GNA12: variants seen among roughly 807,000 people sequenced by gnomAD.
GNA12 encodes the protein guanine nucleotide-binding protein subunit alpha-12.
A neutral mutation model predicts 26.0 loss-of-function variants in GNA12; 9 were observed. That is an observed-to-expected ratio of 0.35 (90% CI 0.21 to 0.60). The LOEUF (loss-of-function observed/expected upper bound fraction) is 0.60. Ranked by LOEUF, GNA12 falls within the 20% of genes least tolerant of loss-of-function variation. GNA12 has a pLI of 0.78. For missense variants in GNA12, 405 were observed against 525.8 expected (o/e 0.77, Z 2.25); for synonymous variants, 264 against 219.6 (o/e 1.20, Z -1.79).
intron 2 of GNA12, among the ~76,000 whole-genome samples, chr7:2,770,779 G>A (rs1331834632): frequency 2.6e-5 from 4 of 152,202 alleles, no homozygotes; most frequent in East Asian, 1.9e-4. Flanking sequence ...GTGTTTCCAC[G>A]TAGGACGATT....
intron 2 of GNA12, among the ~76,000 whole-genome samples, chr7:2,757,122 G>A (rs1479977935): frequency 2.1e-5 from 3 of 145,192 alleles, no homozygotes; most frequent in Non-Finnish European, 4.5e-5. Flanking sequence ...GATCTAATCA[G>A]GTGGGCCTTT....
chr7:2,820,988 C>T (rs1291629170), intron 1 of GNA12, among the ~76,000 whole-genome samples: 1 of 152,228 alleles, frequency 6.6e-6, no homozygotes, highest in Non-Finnish European at 1.5e-5. Context: ...AAACCTCCTG[C>T]CTTGGACTCC....
At chr7:2,781,412 C>CTGTGTGTGGGTG (rs1792225171) in intron 2 of GNA12, among the ~76,000 whole-genome samples, 1 of 143,616 alleles carries the variant, frequency 7.0e-6, no homozygotes, top group Non-Finnish European at 1.5e-5. Context: ...AAGTAAGTGT[C>CTGTGTGTGGGTG]TGTGTGTGTG....
rs3996399 is a variant in GNA12, at chr7:2,780,051, C to CATATATATAT, written c.525+14867_525+14876dup. Among the ~76,000 whole-genome samples the CATATATATAT allele has an allele frequency of 6.8e-3, 421 of 61,952 alleles. 10 individuals carry two copies. Among genetic ancestry groups the CATATATATAT allele is most frequent in the East Asian group, 0.011 (25 of 2,218 alleles). 40.6% of individuals were successfully genotyped at this position (61,952 alleles called of 152,430 possible). A position where few individuals can be genotyped will look rare whatever the true frequency, so the allele number is the denominator to read the frequency against. On this transcript the variant is annotated intron_variant, in intron 2 of 3. Transcript: ENST00000275364. ...CTAGTTTTTTACACATTTCTGTGTA[C>CATATATATAT]ATATATATATATATATATATATATA...
At chr7:2,803,053 C>A (rs543601861) in intron 1 of GNA12, among the ~76,000 whole-genome samples, 1 of 152,192 alleles carries the variant, frequency 6.6e-6, no homozygotes, top group Admixed American at 6.5e-5. Flanking sequence ...GTGACTATAC[C>A]GAGGGCTCAC....
chr7:2,787,572 T>C (rs1156813970), intron 2 of GNA12, among the ~76,000 whole-genome samples: 1 of 152,158 alleles, frequency 6.6e-6, no homozygotes. Context: ...TTCTGAGCTT[T>C]CCGGGAAACG....
intron 2 of GNA12, among the ~76,000 whole-genome samples, chr7:2,766,387 CTT>C (rs71026553): frequency 8.3e-4 from 110 of 132,012 alleles, no homozygotes; most frequent in Middle Eastern, 7.5e-3. Flanking sequence ...TTGCTTCCGC[CTT>C]TTTTTTTTTT....
chr7:2,787,786 T>TA (rs1300556429), intron 2 of GNA12, among the ~76,000 whole-genome samples: 2 of 152,204 alleles, frequency 1.3e-5, no homozygotes, highest in Non-Finnish European at 2.9e-5. Flanking sequence ...ACGGCTATGC[T>TA]AAACCACAAG....
intron 3 of GNA12, among the ~76,000 whole-genome samples, chr7:2,733,077 G>A (rs890846297): frequency 2.6e-5 from 4 of 152,162 alleles, no homozygotes; most frequent in African/African-American, 4.8e-5. Flanking sequence ...ATTTGCTCCC[G>A]GAGGCCGGGG....
intron 1 of GNA12, among the ~76,000 whole-genome samples, chr7:2,820,499 A>C (rs527663491): frequency 6.6e-6 from 1 of 151,254 alleles, no homozygotes; most frequent in East Asian, 2.0e-4. Flanking sequence ...GCTTGAAACT[A>C]GCCCAGGAGA....
chr7:2,762,711 G>C (rs1791621222), intron 2 of GNA12: 2 of 1,565,048 alleles, frequency 1.3e-6, no homozygotes, highest in African/African-American at 1.4e-5. Flanking sequence ...AGGAGCGCCA[G>C]AGGGAAGCAG....
At chr7:2,739,578 G>C (rs964035895) in intron 2 of GNA12, among the ~76,000 whole-genome samples, 4 of 152,166 alleles carry the variant, frequency 2.6e-5, no homozygotes, top group African/African-American at 9.7e-5. Flanking sequence ...TGGCCGTTGT[G>C]AACAGTGCTA....
chr7:2,770,089 G>C (rs555666003), intron 2 of GNA12, among the ~76,000 whole-genome samples: 11 of 152,142 alleles, frequency 7.2e-5, no homozygotes, highest in African/African-American at 2.7e-4. Context: ...CTGGTACTGT[G>C]AGGAAAATAA....
At position 2,763,191 on chromosome 7, in the gene GNA12, A is replaced by AACACACACACACACACACAC. The variant is rs56384682; in HGVS notation, c.526-29710_526-29691dup. 2.8e-3 allele frequency: 618 copies of AACACACACACACACACACAC among 222,694 alleles called. 9 individuals are homozygous for AACACACACACACACACACAC. Among genetic ancestry groups the AACACACACACACACACACAC allele is most frequent in the African/African-American group, 4.2e-3 (154 of 37,026 alleles). The allele number at this position is 222,694 out of a possible 1,614,324, so 13.8% of individuals were successfully genotyped here. A position where few individuals can be genotyped will look rare whatever the true frequency, so the allele number is the denominator to read the frequency against. ...TTAGCAGGACTTCACAAGACACCCC[A>AACACACACACACACACACAC]ACACACACACACACACACACACACA... is the stretch of plus-strand genomic sequence containing the variant. On this transcript the variant is annotated intron_variant, in intron 2 of 3. Coordinates refer to ENST00000275364, the MANE Select transcript of GNA12 (RefSeq NM_007353.3).
intron 2 of GNA12, among the ~76,000 whole-genome samples, chr7:2,758,375 G>C (rs1034245744): frequency 6.6e-5 from 10 of 152,180 alleles, no homozygotes; most frequent in Non-Finnish European, 1.5e-4. Flanking sequence ...CTCCAATGCA[G>C]GCTTGCACAT....
chr7:2,744,892 T>C (rs947313177), intron 2 of GNA12, among the ~76,000 whole-genome samples: 3 of 152,058 alleles, frequency 2.0e-5, no homozygotes, highest in Admixed American at 6.5e-5. Context: ...CAGGAGCCGA[T>C]GCGATGAACT....
intron 1 of GNA12, among the ~76,000 whole-genome samples, chr7:2,803,208 C>T (rs746920341): frequency 9.9e-5 from 15 of 152,192 alleles, no homozygotes; most frequent in Non-Finnish European, 2.1e-4. Flanking sequence ...ATGCAGAGTA[C>T]AGAGGCCAGC....
At chr7:2,843,821 G>A (rs903160141) in intron 1 of GNA12, 32 bp downstream of exon 1, 1 of 1,312,714 alleles carries the variant, frequency 7.6e-7, no homozygotes, top group Non-Finnish European at 1.0e-6. Flanking sequence ...GGCCCACCTG[G>A]GTGCAGGTGC....
intron 1 of GNA12, among the ~76,000 whole-genome samples, chr7:2,795,616 A>C (rs1228262114): frequency 1.3e-5 from 2 of 148,640 alleles, no homozygotes; most frequent in Non-Finnish European, 3.0e-5. Context: ...CAACAGAGCA[A>C]GACCCTGTTT....
Sources: gnomAD v4.1 joint callset for allele counts (sites outside exome capture counted in the v4.1 genomes callset) on GRCh38, gnomAD v4.1.1 for gene constraint, MANE v1.5 for transcripts, NCBI Gene and HGNC (gene_info 2026-07-23, HGNC 2026-07-21) for gene names.